The following ANKIB1 variants were observed in gnomAD, a reference collection of about 807,000 sequenced individuals.
ANKIB1 encodes ankyrin repeat and IBR domain containing 1.
ANKIB1 carries 43 observed loss-of-function variants against 122.1 expected under a neutral mutation model. The ratio of observed to expected loss-of-function variants is 0.35; its 90% CI spans 0.28 to 0.45. ANKIB1 has a LOEUF of 0.45. ANKIB1 is among the 20% of genes least tolerant of loss of function. ANKIB1 has a pLI of 1.00. For synonymous variants in ANKIB1, 390 were observed against 442.0 expected (o/e 0.88, Z 1.48); for missense variants, 992 against 1,329.5 (o/e 0.75, Z 3.95).
chr7:92,355,848 CATAATAATAATAATAATAATA>C lies in ANKIB1; in HGVS notation c.1397+3225_1397+3245del, dbSNP rs5885805. Among the ~76,000 whole-genome samples the C allele has an allele frequency of 5.6e-3, 799 of 143,370 alleles. 7 individuals are homozygous for C. Among genetic ancestry groups the C allele is most frequent in the Non-Finnish European group, 5.9e-3 (388 of 66,010 alleles). The allele number at this position is 143,370 out of a possible 152,430, so 94.1% of individuals were successfully genotyped here. Reference sequence around the variant, plus strand: ...CAGGCAACGGAGCGAGACTCCGTCTCATAATAATAATAATAATAATAATAATAATAATAATAATAGTAATAG... The same window carrying C: ...CAGGCAACGGAGCGAGACTCCGTCTCATAATAATAATAATAATAGTAATAG... On this transcript the variant is annotated intron_variant, in intron 9 of 19. Coordinates refer to ENST00000265742, the MANE Select transcript of ANKIB1 (RefSeq NM_019004.2).
At chr7:92,369,307 C>T (rs188365690) in intron 10 of ANKIB1, among the ~76,000 whole-genome samples, 12 of 152,266 alleles carry the variant, frequency 7.9e-5, no homozygotes, top group South Asian at 4.1e-4. Context: ...AGTTCATTAC[C>T]GCTGTTTCTC....
intron 1 of ANKIB1, among the ~76,000 whole-genome samples, chr7:92,247,482 T>C (rs905162179): frequency 3.9e-5 from 6 of 152,226 alleles, no homozygotes; most frequent in African/African-American, 1.4e-4. Flanking sequence ...TCTTTTTTTG[T>C]ATCAGCCACT....
chr7:92,387,780 T>C lies in ANKIB1; in HGVS notation c.1753-18T>C. 1 of 1,589,296 alleles carries C rather than the reference T, an allele frequency of 6.3e-7. No homozygotes were observed. Among genetic ancestry groups the C allele is most frequent in the Non-Finnish European group, 8.6e-7 (1 of 1,169,108 alleles). On this transcript the variant is annotated intron_variant, in intron 12 of 19. Coordinates refer to ENST00000265742, the MANE Select transcript of ANKIB1 (RefSeq NM_019004.2). ...TACTAGTTTTTATAAAAGTCATTTG[T>C]GGACTTTTGTTTTCTAGGCTGAGAA...
intron 1 of ANKIB1, among the ~76,000 whole-genome samples, chr7:92,277,752 G>C (rs1801933029): frequency 6.6e-6 from 1 of 152,012 alleles, no homozygotes; most frequent in African/African-American, 2.4e-5. Flanking sequence ...TTCAAGACCA[G>C]CCTGGGCAAC....
chr7:92,251,356 T>G (rs1801325947), intron 1 of ANKIB1, among the ~76,000 whole-genome samples: 1 of 152,178 alleles, frequency 6.6e-6, no homozygotes, highest in South Asian at 2.1e-4. Context: ...ATGCGTCCCT[T>G]CAGAGTATGG....
chr7:92,306,810 C>T (rs1802571695), intron 2 of ANKIB1, among the ~76,000 whole-genome samples: 1 of 152,172 alleles, frequency 6.6e-6, no homozygotes, highest in Non-Finnish European at 1.5e-5. Flanking sequence ...CAAAGGTTAG[C>T]TGATGACCTT....
chr7:92,321,501 G>A (rs1802911720), intron 4 of ANKIB1, among the ~76,000 whole-genome samples: 1 of 152,046 alleles, frequency 6.6e-6, no homozygotes, highest in African/African-American at 2.4e-5. Flanking sequence ...AGCCATATCT[G>A]CCTATTCAGC....
chr7:92,307,114 TC>T (rs1275701223), intron 2 of ANKIB1, among the ~76,000 whole-genome samples: 2 of 152,162 alleles, frequency 1.3e-5, no homozygotes, highest in East Asian at 3.8e-4. Context: ...TTCCTTTCCC[TC>T]CCTTTTAATT....
At chr7:92,378,640 G>A (rs1159946708) in intron 11 of ANKIB1, among the ~76,000 whole-genome samples, 11 of 152,034 alleles carry the variant, frequency 7.2e-5, no homozygotes, top group Non-Finnish European at 1.6e-4. Flanking sequence ...AGAACAAGAT[G>A]AAGATATTTT....
At chr7:92,365,145 A>G (rs1257005683) in intron 10 of ANKIB1, among the ~76,000 whole-genome samples, 5 of 152,234 alleles carry the variant, frequency 3.3e-5, no homozygotes, top group East Asian at 1.9e-4. Flanking sequence ...AATGCCCTCT[A>G]TGCTCTTGAA....
chr7:92,362,313 A>G, intron 10 of ANKIB1, 40 bp downstream of exon 10: 2 of 1,520,594 alleles, frequency 1.3e-6, no homozygotes, highest in Non-Finnish European at 1.8e-6. Context: ...ATATTTCCTG[A>G]TAGCATTCAA....
At chr7:92,256,275 A>G (rs1585073413) in intron 1 of ANKIB1, among the ~76,000 whole-genome samples, 1 of 152,278 alleles carries the variant, frequency 6.6e-6, no homozygotes. Context: ...TTTTCCTTAG[A>G]GCTGAGAACC....
chr7:92,377,974 T>C (rs1804422541), intron 11 of ANKIB1, among the ~76,000 whole-genome samples: 1 of 152,164 alleles, frequency 6.6e-6, no homozygotes, highest in Non-Finnish European at 1.5e-5. Flanking sequence ...ACTTTCAAAG[T>C]ATTTTTATAA....
intron 5 of ANKIB1, among the ~76,000 whole-genome samples, chr7:92,330,939 A>G (rs1803160013): frequency 6.6e-6 from 1 of 152,190 alleles, no homozygotes; most frequent in Non-Finnish European, 1.5e-5. Context: ...AACACAAAAT[A>G]CTTTAAATTG....
In ANKIB1 at chr7:92,270,178, A is replaced by G. The variant is rs367942449; in HGVS notation, c.-91+23659A>G. Among the ~76,000 whole-genome samples, 47 of 152,124 alleles carry G rather than the reference A, an allele frequency of 3.1e-4. 1 individual carries two copies. The highest frequency in any genetic ancestry group is 9.6e-4 in the African/African-American group (40 of 41,502). ...CCTGGGCTTAAATGATCCTCCCACC[A>G]CAGCCACCCGAGTAGCTGGGACTGT... On this transcript the variant is annotated intron_variant, in intron 1 of 19. Coordinates refer to ENST00000265742, the MANE Select transcript of ANKIB1 (RefSeq NM_019004.2).
intron 5 of ANKIB1, among the ~76,000 whole-genome samples, chr7:92,332,364 ACATT>A (rs1803189936): frequency 6.6e-6 from 1 of 152,204 alleles, no homozygotes; most frequent in African/African-American, 2.4e-5. Context: ...ATCCTTGAAA[ACATT>A]CATTCATTTT....
At chr7:92,363,053 T>TA (rs540406716) in intron 10 of ANKIB1, among the ~76,000 whole-genome samples, 105 of 143,946 alleles carry the variant, frequency 7.3e-4, no homozygotes, top group African/African-American at 1.0e-3. Flanking sequence ...TTCTGGTCTT[T>TA]AAAAAAAAAA....
chr7:92,319,303 C>G (rs922447252), intron 3 of ANKIB1, 27 bp from the exon 4 acceptor site: 1 of 1,478,612 alleles, frequency 6.8e-7, no homozygotes, highest in Middle Eastern at 1.8e-4. Flanking sequence ...CCTGTAGTTG[C>G]AAGTTTTTGA....
At chr7:92,302,507 GT>G (rs1309868947) in intron 2 of ANKIB1, among the ~76,000 whole-genome samples, 3 of 152,104 alleles carry the variant, frequency 2.0e-5, no homozygotes, top group Non-Finnish European at 4.4e-5. Flanking sequence ...TGCCTCTTTT[GT>G]GGGAAACTAA....
Sources: gnomAD v4.1 joint callset for allele counts (sites outside exome capture counted in the v4.1 genomes callset) on GRCh38, gnomAD v4.1.1 for gene constraint, MANE v1.5 for transcripts, NCBI Gene and HGNC (gene_info 2026-07-23, HGNC 2026-07-21) for gene names.